Variants in TSC2 observed in about 807,000 individuals in gnomAD.
TSC2 encodes TSC complex subunit 2.
In TSC2, 29 loss-of-function variants were observed where a neutral mutation model predicts 202.2. That is an observed-to-expected ratio of 0.14 (90% CI 0.11 to 0.20). TSC2 has a LOEUF of 0.20. Among genes scored for constraint, TSC2 ranks in the 10% least tolerant of loss-of-function variants. TSC2 has a pLI of 1.00. For missense variants in TSC2, 2,429 were observed against 2,420.0 expected (o/e 1.00, Z -0.08); for synonymous variants, 1,349 against 1,044.0 (o/e 1.29, Z -5.63).
intron 7 of TSC2, 125 bp downstream of exon 7, chr16:2,056,369 C>G (rs1483074386): frequency 2.9e-6 from 4 of 1,382,864 alleles, no homozygotes; most frequent in Non-Finnish European, 4.0e-6. Flanking sequence ...CTCGGTCTCT[C>G]TGAGCCTCAG....
rs779122170 is a variant in TSC2, at chr16:2,084,578, G to C, written c.4356G>C (p.Ser1452=). The C allele has an allele frequency of 6.2e-7, 1 of 1,606,724 alleles. No homozygotes were observed. Among genetic ancestry groups the C allele is most frequent in the South Asian group, 1.1e-5 (1 of 91,022 alleles). The change falls in exon 34 of 42, where the codon TCG becomes TCC. Residue 1452 remains serine (S), a synonymous_variant. Coordinates refer to ENST00000219476, the MANE Select transcript of TSC2 (RefSeq NM_000548.5). ...CCTTGCCTTCCAGCTCCCCCCGCTCGCCCAGTGGCCTCCGGCCCCGAGGTT... is the reference window on the plus strand; with the variant it reads ...CCTTGCCTTCCAGCTCCCCCCGCTCCCCCAGTGGCCTCCGGCCCCGAGGTT... ...EGPLPSSSPR[S]PSGLRPRGYT...
intron 2 of TSC2, among the ~76,000 whole-genome samples, chr16:2,050,119 C>A (rs748686226): frequency 6.6e-6 from 1 of 151,950 alleles, no homozygotes; most frequent in Non-Finnish European, 1.5e-5. Flanking sequence ...CCACGCCCAG[C>A]AAATTTTTTG....
chr16:2,088,579 C>A lies in TSC2; in HGVS notation c.5393C>A (p.Ser1798Tyr). 1 of 1,608,558 alleles carries A rather than the reference C, an allele frequency of 6.2e-7. No individual in the cohort carries two copies. Among genetic ancestry groups the A allele is most frequent in the South Asian group, 1.1e-5 (1 of 91,078 alleles). The change falls in exon 42 of 42, where the codon TCC becomes TAC. Residue 1798 changes from serine to tyrosine, a missense_variant. Ser to Tyr is a moderately radical substitution (Grantham distance 144, BLOSUM62 -2). Coordinates refer to ENST00000219476, the MANE Select transcript of TSC2 (RefSeq NM_000548.5). ...GTGGGCCAGCGGAAGCGCCTCATCT[C>A]CTCGGTGGAGGACTTCACCGAGTTT... ...YEVGQRKRLI[S>Y]SVEDFTEFV
At chr16:2,082,939 C>G in intron 32 of TSC2, 1 of 375,638 alleles carries the variant, frequency 2.7e-6, no homozygotes, top group South Asian at 2.0e-5. Flanking sequence ...CCCAGGTTGA[C>G]CAGGGGCCCT....
rs911232522 is a variant in TSC2, at chr16:2,055,980, A to G, written c.600-216A>G. On this transcript the variant is annotated intron_variant, in intron 6 of 41. Transcript: ENST00000219476. ...GGTTATCTTTTTGTTGTTTGTTTAGAATGTTGCATGAGCTCTGTCTCACTC... is the reference window on the plus strand; with the variant it reads ...GGTTATCTTTTTGTTGTTTGTTTAGGATGTTGCATGAGCTCTGTCTCACTC... The G allele has an allele frequency of 1.4e-4, 88 of 647,112 alleles. 1 individual carries two copies. In the Admixed American group the frequency reaches 1.9e-3, roughly 14 times the overall value. The allele number at this position is 647,112 out of a possible 1,614,324, so 40.1% of individuals were successfully genotyped here. A position where few individuals can be genotyped will look rare whatever the true frequency, so the allele number is the denominator to read the frequency against.
At chr16:2,067,078 T>C (rs2087489654) in intron 16 of TSC2, among the ~76,000 whole-genome samples, 1 of 152,156 alleles carries the variant, frequency 6.6e-6, no homozygotes, top group Non-Finnish European at 1.5e-5. Flanking sequence ...AGATGTTGGA[T>C]GGTAGAACAA....
chr16:2,067,153 AT>A (rs891772963), intron 16 of TSC2, among the ~76,000 whole-genome samples: 38 of 145,532 alleles, frequency 2.6e-4, no homozygotes, highest in Middle Eastern at 3.6e-3. Context: ...AGTGGTGATG[AT>A]TTTTTTTTTT....
At position 2,086,236 on chromosome 16, in the gene TSC2, A is replaced by G. The variant is rs2090771064; in HGVS notation, c.4706A>G (p.Tyr1569Cys). ...ATCCTGTCCAATGAGCATGGCTCCT[A>G]CAGGTACACGGAGTTCCTGACGGGC... ...LAILSNEHGSYRYTEFLTGLG... is the reference protein window; with the variant it reads ...LAILSNEHGSCRYTEFLTGLG... The change falls in exon 37 of 42, where the codon TAC (tyrosine) becomes TGC (cysteine). Residue 1569 changes from tyrosine (Y) to cysteine (C), a missense_variant. By Grantham distance (194) the Tyr-to-Cys change is radical (BLOSUM62 -2). Transcript: ENST00000219476. 6.2e-7 allele frequency: 1 copy of G among 1,612,658 alleles called. No homozygotes were observed. The highest frequency in any genetic ancestry group is 8.5e-7 in the Non-Finnish European group (1 of 1,179,918).
intron 3 of TSC2, among the ~76,000 whole-genome samples, chr16:2,050,798 A>G (rs888492935): frequency 5.3e-5 from 8 of 151,652 alleles, no homozygotes; most frequent in Admixed American, 5.3e-4. Flanking sequence ...CATGTTGGCC[A>G]GGCTGGTCTT....
chr16:2,056,314 G>T, intron 7 of TSC2, 70 bp downstream of exon 7: 1 of 1,597,930 alleles, frequency 6.3e-7, no homozygotes. Flanking sequence ...CTTGGGGGTT[G>T]AGCCCTGTGT....
intron 16 of TSC2, among the ~76,000 whole-genome samples, chr16:2,065,875 C>T (rs866425573): frequency 1.8e-4 from 28 of 152,160 alleles, no homozygotes; most frequent in Admixed American, 1.2e-3. Flanking sequence ...GAGTCAGGGC[C>T]GGAACCATGT....
intron 16 of TSC2, among the ~76,000 whole-genome samples, chr16:2,066,632 T>C (rs1009402018): frequency 1.3e-4 from 20 of 151,056 alleles, no homozygotes; most frequent in Non-Finnish European, 2.8e-4. Flanking sequence ...TCGAGCAGCA[T>C]GTAAGGGTTC....
At chr16:2,080,038 C>T (rs2089930139) in intron 29 of TSC2, 127 bp from the exon 30 acceptor site, 4 of 1,318,512 alleles carry the variant, frequency 3.0e-6, no homozygotes, top group Admixed American at 1.7e-5. Context: ...GCCCCAAGGG[C>T]AGAGCTGCCA....
Position 2,079,788 on chromosome 16 carries a change from C to A in TSC2, c.3397+119C>A. 9.9e-7 allele frequency: 1 copy of A among 1,006,376 alleles called. No individual in the cohort carries two copies. The highest frequency in any genetic ancestry group is 1.4e-6 in the Non-Finnish European group (1 of 696,548). The allele number at this position is 1,006,376 out of a possible 1,614,324, so 62.3% of individuals were successfully genotyped here. A position where few individuals can be genotyped will look rare whatever the true frequency, so the allele number is the denominator to read the frequency against. On this transcript the variant is annotated intron_variant, in intron 29 of 41. Coordinates refer to ENST00000219476, the MANE Select transcript of TSC2 (RefSeq NM_000548.5). This position sits in a 1 kb window ranked among gnomAD's most constrained non-coding sequence, Gnocchi z 4.6. The stretch of plus-strand genomic sequence containing the variant: ...CGGGGTGGCTGGCTTCAGGCCCGGC[C>A]CACGTCCTGACTCTGGGGTGAGCCT...
chr16:2,073,582 G>C (rs1229827633), intron 21 of TSC2, among the ~76,000 whole-genome samples: 1 of 152,152 alleles, frequency 6.6e-6, no homozygotes, highest in Non-Finnish European at 1.5e-5. Context: ...GGCCCTGTAG[G>C]GAGCTGTTGT....
At chr16:2,081,342 C>T in intron 30 of TSC2, 2 of 563,296 alleles carry the variant, frequency 3.6e-6, no homozygotes, top group Non-Finnish European at 6.4e-6. Flanking sequence ...GGCCTTGGGT[C>T]CGGACTGTGA....
intron 15 of TSC2, chr16:2,065,229 C>G (rs1417890841): frequency 2.7e-6 from 1 of 376,404 alleles, no homozygotes; most frequent in African/African-American, 2.1e-5. Flanking sequence ...CTGGCTAACA[C>G]GGTGAAACCC....
chr16:2,076,280 G>T (rs777941115), intron 24 of TSC2, 110 bp downstream of exon 24: 168 of 1,571,528 alleles, frequency 1.1e-4, no homozygotes, highest in South Asian at 4.0e-4. Context: ...CAGTGGGAGG[G>T]TGTTTGGGGC....
rs140772300 is a variant in TSC2, at chr16:2,079,559, C to G, written c.3287C>G (p.Ser1096Cys). 1 of 1,609,924 alleles carries G rather than the reference C, an allele frequency of 6.2e-7. No homozygotes were observed. Among genetic ancestry groups the G allele is most frequent in the Admixed American group, 1.7e-5 (1 of 59,604 alleles). Reference sequence around the variant, plus strand: ...TGTGCGTGGGATTCTCTTCTCAGCTCCAGCCCCGGGGTGCATGTGAGACAG... The same window carrying G: ...TGTGCGTGGGATTCTCTTCTCAGCTGCAGCCCCGGGGTGCATGTGAGACAG... The part of the protein sequence containing the change: ...GELQSGPESS[S>C]SPGVHVRQTK... The change falls in exon 29 of 42, where the codon TCC becomes TGC. Residue 1096 changes from serine (S) to cysteine (C), a missense_variant and splice_region_variant. Transcript: ENST00000219476. The surrounding 1 kb of genome is among the most constrained non-coding windows in gnomAD (Gnocchi z 4.6).
Sources: allele counts gnomAD v4.1 joint callset (sites outside exome capture counted in the v4.1 genomes callset), GRCh38; gene constraint gnomAD v4.1.1; non-coding constraint Gnocchi (gnomAD v3.1); transcripts MANE v1.5; gene names NCBI Gene and HGNC (gene_info 2026-07-23, HGNC 2026-07-21).